The following DMD variants were observed in gnomAD, a reference collection of about 807,000 sequenced individuals.
DMD encodes mutant dystrophin.
A neutral mutation model predicts 330.1 loss-of-function variants in DMD; 63 were observed. The ratio of observed to expected loss-of-function variants is 0.19; its 90% confidence interval spans 0.16 to 0.24. The LOEUF is 0.24. DMD is among the 10% of genes least tolerant of loss of function. The pLI is 1.00. For missense variants in DMD, 3,344 were observed against 2,684.1 expected (o/e 1.25, Z -5.43); for synonymous variants, 1,223 against 959.8 (o/e 1.27, Z -5.07).
chrX:32,434,318 G>A (rs1355665211), intron 29 of DMD, among the ~76,000 whole-genome samples: 3 of 112,061 alleles, frequency 2.7e-5, no homozygotes, highest in Non-Finnish European at 5.6e-5. Context: ...GCTGAGGCAG[G>A]AGAATTGCTT....
intron 2 of DMD, among the ~76,000 whole-genome samples, chrX:32,954,269 T>G (rs1320849624): frequency 3.6e-5 from 4 of 112,230 alleles, no homozygotes; most frequent in Admixed American, 9.4e-5. Context: ...TGAGAGATAC[T>G]TTGGATTCAA....
intron 51 of DMD, among the ~76,000 whole-genome samples, chrX:31,753,615 C>T (rs2088793496): frequency 8.9e-6 from 1 of 111,890 alleles, no homozygotes; most frequent in African/African-American, 3.2e-5. Context: ...TATTAATTCT[C>T]ATGTTCTAAT....
intron 1 of DMD, among the ~76,000 whole-genome samples, chrX:33,203,061 T>A (rs1418147250): frequency 8.9e-6 from 1 of 111,965 alleles, no homozygotes; most frequent in Non-Finnish European, 1.9e-5. Context: ...CTGGCTTTAT[T>A]TAAACTGAAA....
At position 33,009,659 on chromosome X, in the gene DMD, T is replaced by C. The variant is rs867039261; in HGVS notation, c.93+10480A>G. Among the ~76,000 whole-genome samples, 5 of 39,835 alleles carry C rather than the reference T, an allele frequency of 1.3e-4. 1 individual carries two copies. Among genetic ancestry groups the C allele is most frequent in the African/African-American group, 3.6e-4 (4 of 11,074 alleles). 34.6% of individuals were successfully genotyped at this position (39,835 alleles called of 115,157 possible). A position where few individuals can be genotyped will look rare whatever the true frequency, so the allele number is the denominator to read the frequency against. On this transcript the variant is annotated intron_variant, in intron 2 of 78. Coordinates refer to ENST00000357033, the MANE Select transcript of DMD (RefSeq NM_004006.3). ...GTATATACACATATGTGTGTATACG[T>C]GTATATGTGTATACGTATATGTGTA...
chrX:32,071,400 T>C (rs1321704816), intron 44 of DMD, among the ~76,000 whole-genome samples: 1 of 106,999 alleles, frequency 9.3e-6, no homozygotes, highest in African/African-American at 3.4e-5. Context: ...CAGCAAACTA[T>C]CGCAAGGACA....
intron 43 of DMD, among the ~76,000 whole-genome samples, chrX:32,241,253 C>T (rs766011251): frequency 9.8e-5 from 11 of 112,068 alleles, no homozygotes; most frequent in African/African-American, 1.6e-4. Context: ...ATGTGCATCG[C>T]GTCCCGTGGT....
At chrX:31,333,073 G>A (rs2057221504) in intron 61 of DMD, among the ~76,000 whole-genome samples, 1 of 111,059 alleles carries the variant, frequency 9.0e-6, no homozygotes, top group South Asian at 3.8e-4. Flanking sequence ...AATGTTACGC[G>A]GTTCTCAGAG....
chrX:32,545,690 T>A (rs190961878), intron 16 of DMD, among the ~76,000 whole-genome samples: 14 of 111,821 alleles, frequency 1.3e-4, no homozygotes, highest in African/African-American at 4.5e-4. Flanking sequence ...AATATGAATG[T>A]TACTAACGTA....
intron 44 of DMD, among the ~76,000 whole-genome samples, chrX:32,053,587 T>C (rs750547069): frequency 1.8e-5 from 2 of 111,067 alleles, no homozygotes; most frequent in South Asian, 7.7e-4. Context: ...TCTCGCCCAC[T>C]CTCAAGCCAC....
chrX:31,569,956 T>A lies in DMD; in HGVS notation c.8217+57717A>T, dbSNP rs149986197. Among the ~76,000 whole-genome samples the A allele has an allele frequency of 2.8e-3, 308 of 110,824 alleles. 5 individuals are homozygous for A. Among genetic ancestry groups the A allele is most frequent in the East Asian group, 0.021 (73 of 3,535 alleles). ...CCTAATGATAACTCTTCTGTACGCA[T>A]GAGAGATTTATCTAAACATTTAAAC... On this transcript the variant is annotated intron_variant, in intron 55 of 78. Transcript: ENST00000357033.
At chrX:32,477,424 C>T (rs2041351489) in intron 21 of DMD, among the ~76,000 whole-genome samples, 1 of 110,578 alleles carries the variant, frequency 9.0e-6, no homozygotes, top group Non-Finnish European at 1.9e-5. Context: ...AAGTTTTCTG[C>T]ACCTTTTGTT....
chrX:32,131,840 A>G (rs963257844), intron 44 of DMD, among the ~76,000 whole-genome samples: 1 of 112,181 alleles, frequency 8.9e-6, no homozygotes, highest in Non-Finnish European at 1.9e-5. Flanking sequence ...ACTGGATGTC[A>G]GAAGACCTCA....
At chrX:33,014,561 C>T (rs189939185) in intron 2 of DMD, among the ~76,000 whole-genome samples, 1 of 111,119 alleles carries the variant, frequency 9.0e-6, no homozygotes, top group African/African-American at 3.3e-5. Flanking sequence ...TGTAGAGAAA[C>T]AAGGAAATAT....
intron 29 of DMD, among the ~76,000 whole-genome samples, chrX:32,434,094 A>C (rs1404288248): frequency 8.9e-6 from 1 of 112,466 alleles, no homozygotes; most frequent in Non-Finnish European, 1.9e-5. Flanking sequence ...AATCTCTTTT[A>C]AATATTCATA....
intron 11 of DMD, among the ~76,000 whole-genome samples, chrX:32,624,257 T>C (rs1214287779): frequency 9.0e-6 from 1 of 111,488 alleles, no homozygotes; most frequent in Non-Finnish European, 1.9e-5. Context: ...TGACTGGCAA[T>C]AGAGAGCCGA....
chrX:33,009,278 A>T (rs369314079), intron 2 of DMD, among the ~76,000 whole-genome samples: 1 of 37,718 alleles, frequency 2.7e-5, no homozygotes, highest in Non-Finnish European at 6.7e-5. Context: ...ATATACACAT[A>T]TGTGTATGTG....
chrX:32,865,721 TTGAC>T (rs2082427507), intron 2 of DMD, among the ~76,000 whole-genome samples: 1 of 112,730 alleles, frequency 8.9e-6, no homozygotes, highest in Non-Finnish European at 1.9e-5. Context: ...AATTCATATT[TTGAC>T]TGACACTTTA....
At chrX:31,164,041 A>G (rs747529860) in intron 74 of DMD, among the ~76,000 whole-genome samples, 2 of 111,963 alleles carry the variant, frequency 1.8e-5, no homozygotes, top group Non-Finnish European at 3.8e-5. Context: ...ACTTTTCTCT[A>G]TATGTCTTTT....
chrX:32,849,207 A>C (rs2080933774), intron 3 of DMD, among the ~76,000 whole-genome samples: 1 of 111,899 alleles, frequency 8.9e-6, no homozygotes, highest in Non-Finnish European at 1.9e-5. Flanking sequence ...ACCTTGATCA[A>C]CATGACTTCA....
Sources: allele counts gnomAD v4.1 joint callset (sites outside exome capture counted in the v4.1 genomes callset), GRCh38; gene constraint gnomAD v4.1.1; transcripts MANE v1.5; gene names NCBI Gene and HGNC (gene_info 2026-07-23, HGNC 2026-07-21).